The following P2RX3 variants were observed in gnomAD, a reference collection of about 807,000 sequenced individuals.
P2RX3 encodes P2X purinoceptor 3.
A neutral mutation model predicts 51.5 loss-of-function variants in P2RX3; 41 were observed. The ratio of observed to expected loss-of-function variants is 0.80; its 90% CI spans 0.62 to 1.03. The LOEUF (loss-of-function observed/expected upper bound fraction) is 1.03. Ranked by LOEUF, P2RX3 falls within the 50% of genes least tolerant of loss-of-function variation. The probability of loss-of-function intolerance (pLI) is 0.00; values close to 1 mark genes in which losing one functional copy is unlikely to be tolerated. For missense variants in P2RX3, 459 were observed against 522.1 expected, an observed-to-expected ratio of 0.88 and a Z score of 1.18; for synonymous variants, 185 against 191.6, an observed-to-expected ratio of 0.97 and a Z score of 0.29.
At chr11:57,344,725 A>C (rs1028261773) in intron 1 of P2RX3, among the ~76,000 whole-genome samples, 19 of 152,298 alleles carry the variant, frequency 1.2e-4, no homozygotes, top group African/African-American at 4.6e-4. Flanking sequence ...ATTTATCAAA[A>C]ATTTAAACTT....
chr11:57,366,523 C>T (rs2134448505), intron 8 of P2RX3, among the ~76,000 whole-genome samples: 1 of 152,216 alleles, frequency 6.6e-6, no homozygotes, highest in African/African-American at 2.4e-5. Context: ...AACTCAGCAC[C>T]AGCTCTGGGT....
chr11:57,359,499 C>A (rs1856683387), intron 8 of P2RX3, among the ~76,000 whole-genome samples: 1 of 152,220 alleles, frequency 6.6e-6, no homozygotes, highest in Non-Finnish European at 1.5e-5. Flanking sequence ...GAGCCCCCGA[C>A]CCTGAAAACT....
intron 1 of P2RX3, among the ~76,000 whole-genome samples, chr11:57,342,742 G>A (rs1195322874): frequency 2.6e-5 from 4 of 151,928 alleles, no homozygotes; most frequent in African/African-American, 7.3e-5. Flanking sequence ...TGGCAACTGC[G>A]ACTACTTCAC....
chr11:57,362,498 GC>G (rs1856736312), intron 8 of P2RX3, among the ~76,000 whole-genome samples: 1 of 152,124 alleles, frequency 6.6e-6, no homozygotes, highest in Admixed American at 6.5e-5. Context: ...ACACTGCATG[GC>G]CCCCCAGGCT....
Position 57,369,340 on chromosome 11 carries a change from G to GC in P2RX3, c.1003-18dup, listed in dbSNP as rs771148476. The GC allele has an allele frequency of 2.5e-6, 4 of 1,606,274 alleles. No individual in the cohort carries two copies. In the African/African-American group the frequency reaches 5.4e-5, roughly 22 times the overall value. On this transcript the variant is annotated intron_variant, in intron 10 of 11. Coordinates refer to ENST00000263314, the MANE Select transcript of P2RX3 (RefSeq NM_002559.5). ...CAACCCAGGGCACCCCTCGGAGCCCGCCCTGCCTCTCCTCCTCCAGGGAAC... is the reference window on the plus strand; with the variant it reads ...CAACCCAGGGCACCCCTCGGAGCCCGCCCCTGCCTCTCCTCCTCCAGGGAAC...
At chr11:57,353,744 C>T (rs1194157906) in intron 8 of P2RX3, among the ~76,000 whole-genome samples, 2 of 151,892 alleles carry the variant, frequency 1.3e-5, no homozygotes, top group Non-Finnish European at 2.9e-5. Context: ...AAGATTCGGC[C>T]GTGTTTGAAT....
At chr11:57,353,219 T>C (rs115269091) in intron 8 of P2RX3, among the ~76,000 whole-genome samples, 1,683 of 152,352 alleles carry the variant, frequency 0.011, 35 homozygotes, top group African/African-American at 0.038. Context: ...TATGGTAAGA[T>C]GTACGCTGTT....
At chr11:57,361,651 C>A (rs1856721150) in intron 8 of P2RX3, among the ~76,000 whole-genome samples, 1 of 152,178 alleles carries the variant, frequency 6.6e-6, no homozygotes, top group African/African-American at 2.4e-5. Context: ...GCATAGTATT[C>A]CATGGTATAT....
intron 8 of P2RX3, among the ~76,000 whole-genome samples, chr11:57,364,604 A>C (rs1360112984): frequency 1.3e-5 from 2 of 152,190 alleles, no homozygotes; most frequent in African/African-American, 4.8e-5. Flanking sequence ...AGACTTCTTT[A>C]AAATATCCCG....
At chr11:57,357,434 A>T (rs1389978177) in intron 8 of P2RX3, among the ~76,000 whole-genome samples, 1 of 152,214 alleles carries the variant, frequency 6.6e-6, no homozygotes, top group Non-Finnish European at 1.5e-5. Context: ...GCCAGAATTC[A>T]AACCCTAGCA....
At chr11:57,362,050 G>A (rs1169409454) in intron 8 of P2RX3, among the ~76,000 whole-genome samples, 3 of 152,198 alleles carry the variant, frequency 2.0e-5, no homozygotes, top group Admixed American at 1.3e-4. Context: ...ACAGTATCTG[G>A]CACAGAGCAG....
rs188970963 is a variant in P2RX3, at chr11:57,364,552, G to A, written c.843-3457G>A. The stretch of plus-strand genomic sequence containing the variant: ...CATGGAGACAGTGATGGTCTATAAG[G>A]ACCTCCTGGAGCCTTCTGCCCATTC... On this transcript the variant is annotated intron_variant, in intron 8 of 11. Coordinates refer to ENST00000263314, the MANE Select transcript of P2RX3 (RefSeq NM_002559.5). 2.8e-3 allele frequency among the ~76,000 whole-genome samples: 427 copies of A among 152,290 alleles called. 2 individuals are homozygous for A. Among genetic ancestry groups the A allele is most frequent in the African/African-American group, 9.8e-3 (407 of 41,552 alleles).
intron 1 of P2RX3, among the ~76,000 whole-genome samples, chr11:57,345,876 GC>G (rs892075199): frequency 4.7e-4 from 36 of 76,842 alleles, no homozygotes; most frequent in Non-Finnish European, 7.6e-4. Context: ...TCCTCCCCCA[GC>G]CCCCCCACCT....
chr11:57,350,992 C>T (rs1036609769), intron 8 of P2RX3, 94 bp downstream of exon 8: 1 of 1,540,224 alleles, frequency 6.5e-7, no homozygotes, highest in Admixed American at 1.8e-5. Context: ...TCCATCCACC[C>T]ACCCCTGGCC....
At chr11:57,353,405 A>G (rs1856577845) in intron 8 of P2RX3, among the ~76,000 whole-genome samples, 1 of 152,198 alleles carries the variant, frequency 6.6e-6, no homozygotes, top group Non-Finnish European at 1.5e-5. Flanking sequence ...TAACATTCTC[A>G]AAGTCACAAA....
At position 57,350,996 on chromosome 11, in the gene P2RX3, C is replaced by T. The variant is rs1240088017; in HGVS notation, c.842+98C>T. On this transcript the variant is annotated intron_variant, in intron 8 of 11. Transcript: ENST00000263314. ...AAGATCCCACATCCATCCACCCACC[C>T]CTGGCCCCAAGTCCCACCTCAGGTT... The T allele has an allele frequency of 8.4e-6, 13 of 1,545,084 alleles. No individual in the cohort carries two copies. In the Admixed American group the frequency reaches 1.2e-4, roughly 14 times the overall value.
intron 1 of P2RX3, among the ~76,000 whole-genome samples, chr11:57,345,494 T>C (rs1353197926): frequency 2.0e-5 from 3 of 152,230 alleles, no homozygotes; most frequent in Non-Finnish European, 4.4e-5. Context: ...TTTTCTCATC[T>C]GTCGAATGGG....
At chr11:57,353,837 T>TCCCCCC (rs3837409) in intron 8 of P2RX3, among the ~76,000 whole-genome samples, 74 of 120,880 alleles carry the variant, frequency 6.1e-4, no homozygotes, top group African/African-American at 9.2e-4. Context: ...CAAATGTCAC[T>TCCCCCC]CCCCCCCCCC....
At chr11:57,343,242 G>T (rs547109404) in intron 1 of P2RX3, among the ~76,000 whole-genome samples, 1 of 152,328 alleles carries the variant, frequency 6.6e-6, no homozygotes, top group East Asian at 1.9e-4. Flanking sequence ...GCACAAGAAG[G>T]AGCCTTGAAG....
Sources: gnomAD v4.1 joint callset for allele counts (sites outside exome capture counted in the v4.1 genomes callset) on GRCh38, gnomAD v4.1.1 for gene constraint, MANE v1.5 for transcripts, NCBI Gene and HGNC (gene_info 2026-07-23, HGNC 2026-07-21) for gene names.